Variants in VSNL1 observed in about 807,000 individuals in gnomAD.
VSNL1 encodes visinin like 1, also known as visinin-like protein 1.
A neutral mutation model predicts 20.4 loss-of-function variants in VSNL1; 6 were observed. The ratio of observed to expected loss-of-function variants is 0.29; its 90% CI spans 0.16 to 0.58. VSNL1 has a LOEUF of 0.58. Among genes scored for constraint, VSNL1 ranks in the 20% least tolerant of loss-of-function variants. The probability of loss-of-function intolerance (pLI) is 0.90; values close to 1 mark genes in which losing one functional copy is unlikely to be tolerated. For synonymous variants in VSNL1, 93 were observed against 86.4 expected (o/e 1.08, Z -0.42); for missense variants, 100 against 234.5 (o/e 0.43, Z 3.75).
chr2:17,555,763 T>G (rs148233336), intron 1 of VSNL1, among the ~76,000 whole-genome samples: 2 of 152,232 alleles, frequency 1.3e-5, no homozygotes, highest in African/African-American at 2.4e-5. Flanking sequence ...ATGACAAATT[T>G]CATTTGCTTA....
chr2:17,555,746 G>A (rs1663661576), intron 1 of VSNL1, among the ~76,000 whole-genome samples: 1 of 152,072 alleles, frequency 6.6e-6, no homozygotes, highest in Non-Finnish European at 1.5e-5. Context: ...TTCCCAGGAG[G>A]TAGTGAATGA....
At chr2:17,640,067 C>G (rs182949938) in intron 2 of VSNL1, among the ~76,000 whole-genome samples, 1 of 151,928 alleles carries the variant, frequency 6.6e-6, no homozygotes, top group Admixed American at 6.6e-5. Flanking sequence ...CTGGTAAACA[C>G]GGTGAAACCC....
At chr2:17,596,370 C>G (rs1002990010) in intron 2 of VSNL1, among the ~76,000 whole-genome samples, 13 of 152,202 alleles carry the variant, frequency 8.5e-5, no homozygotes, top group Non-Finnish European at 1.3e-4. Flanking sequence ...AGGGAATTTC[C>G]TATTTTCAAC....
At chr2:17,637,026 T>C (rs565459936) in intron 2 of VSNL1, among the ~76,000 whole-genome samples, 1 of 152,312 alleles carries the variant, frequency 6.6e-6, no homozygotes, top group East Asian at 1.9e-4. Flanking sequence ...GTGCCATCCA[T>C]AGGCTGTCGC....
chr2:17,551,571 A>G (rs887869469), intron 1 of VSNL1, among the ~76,000 whole-genome samples: 4 of 152,204 alleles, frequency 2.6e-5, no homozygotes, highest in African/African-American at 9.6e-5. Flanking sequence ...CATATGATTC[A>G]TTCTTAAAAC....
chr2:17,554,545 T>C (rs1221677402), intron 1 of VSNL1, among the ~76,000 whole-genome samples: 1 of 150,120 alleles, frequency 6.7e-6, no homozygotes, highest in Non-Finnish European at 1.5e-5. Context: ...TTCAGAACAC[T>C]TTTTTTTCTA....
At position 17,575,920 on chromosome 2, in the gene VSNL1, A is replaced by G. The variant is rs528177667; in HGVS notation, c.-5-16150A>G. On this transcript the variant is annotated intron_variant, in intron 1 of 3. Coordinates refer to ENST00000295156, the MANE Select transcript of VSNL1 (RefSeq NM_003385.5). ...TATAAGAGATCTCTATTTAACATTCACTTGTTACCATAGAAACTTGTAAAT... is the reference window on the plus strand; with the variant it reads ...TATAAGAGATCTCTATTTAACATTCGCTTGTTACCATAGAAACTTGTAAAT... Among the ~76,000 whole-genome samples, 4 of 152,274 alleles carry G rather than the reference A, an allele frequency of 2.6e-5. No individual in the cohort carries two copies. In the East Asian group the frequency reaches 5.8e-4, roughly 22 times the overall value.
intron 1 of VSNL1, among the ~76,000 whole-genome samples, chr2:17,570,812 C>T (rs532816628): frequency 2.4e-4 from 37 of 152,112 alleles, no homozygotes; most frequent in South Asian, 1.9e-3. Context: ...TTTGGGAGGC[C>T]GAGGTGGGTG....
At chr2:17,606,792 A>G (rs1664955501) in intron 2 of VSNL1, among the ~76,000 whole-genome samples, 1 of 152,208 alleles carries the variant, frequency 6.6e-6, no homozygotes, top group Non-Finnish European at 1.5e-5. Flanking sequence ...ATCCAGTTAC[A>G]TGCTTTACTG....
At chr2:17,568,307 G>GCCCA (rs1355898682) in intron 1 of VSNL1, among the ~76,000 whole-genome samples, 3 of 151,976 alleles carry the variant, frequency 2.0e-5, no homozygotes, top group Non-Finnish European at 4.4e-5. Context: ...TTACTTTGTT[G>GCCCA]CCCAGGCTGG....
At chr2:17,631,786 A>G (rs970241523) in intron 2 of VSNL1, among the ~76,000 whole-genome samples, 5 of 152,278 alleles carry the variant, frequency 3.3e-5, no homozygotes, top group Non-Finnish European at 5.9e-5. Flanking sequence ...GAATAAATCT[A>G]GAGTTATAAA....
At chr2:17,652,086 G>C (rs1666134815) in intron 3 of VSNL1, among the ~76,000 whole-genome samples, 1 of 152,200 alleles carries the variant, frequency 6.6e-6, no homozygotes, top group Non-Finnish European at 1.5e-5. Context: ...CATTTAGTGA[G>C]GTTTCTCTAC....
chr2:17,626,603 A>G lies in VSNL1; in HGVS notation c.163-22807A>G, dbSNP rs552467222. ...GTGTCTGCAGAGGAGCAAAGAGAAC[A>G]TTGTCTCTAAGCTGGCCTGGGAGAT... On this transcript the variant is annotated intron_variant, in intron 2 of 3. Transcript: ENST00000295156. Among the ~76,000 whole-genome samples, 5 of 149,104 alleles carry G rather than the reference A, an allele frequency of 3.4e-5. No homozygotes were observed. The East Asian group carries it at 9.9e-4, about 30-fold the overall frequency.
chr2:17,585,132 T>G (rs962859930), intron 1 of VSNL1, among the ~76,000 whole-genome samples: 9 of 152,112 alleles, frequency 5.9e-5, no homozygotes, highest in African/African-American at 2.2e-4. Flanking sequence ...GCTTATGGGG[T>G]GAAACCTCAA....
chr2:17,575,228 C>T (rs1417480745), intron 1 of VSNL1, among the ~76,000 whole-genome samples: 2 of 152,204 alleles, frequency 1.3e-5, no homozygotes, highest in Non-Finnish European at 2.9e-5. Context: ...GGTCACCTCC[C>T]AACCCGGGAG....
At chr2:17,550,190 ATCT>A (rs1324013255) in intron 1 of VSNL1, among the ~76,000 whole-genome samples, 1 of 152,204 alleles carries the variant, frequency 6.6e-6, no homozygotes, top group East Asian at 1.9e-4. Context: ...CAAATTATTG[ATCT>A]TCTGCAAATT....
At chr2:17,556,893 A>C (rs1663691945) in intron 1 of VSNL1, among the ~76,000 whole-genome samples, 1 of 152,178 alleles carries the variant, frequency 6.6e-6, no homozygotes, top group South Asian at 2.1e-4. Flanking sequence ...GGGCAAAAGG[A>C]GCTTACATCT....
chr2:17,546,027 AG>A (rs1663398452), intron 1 of VSNL1: 1 of 152,052 alleles, frequency 6.6e-6, no homozygotes, highest in East Asian at 1.9e-4. Context: ...TTTCCAGGTG[AG>A]CATTCTATTT....
chr2:17,580,225 G>A lies in VSNL1; in HGVS notation c.-5-11845G>A, dbSNP rs111706655. Among the ~76,000 whole-genome samples the A allele has an allele frequency of 7.3e-3, 1,112 of 152,292 alleles. 12 individuals carry two copies. The highest frequency in any genetic ancestry group is 0.012 in the Non-Finnish European group (801 of 68,034). On this transcript the variant is annotated intron_variant, in intron 1 of 3. Coordinates refer to ENST00000295156, the MANE Select transcript of VSNL1 (RefSeq NM_003385.5). ...AGATCACCACTTCTGGGTGCCTATGGTTGGGTCTAGAGTTGTCCAGTGAAG... is the reference window on the plus strand; with the variant it reads ...AGATCACCACTTCTGGGTGCCTATGATTGGGTCTAGAGTTGTCCAGTGAAG...
Sources: gnomAD v4.1 joint callset for allele counts (sites outside exome capture counted in the v4.1 genomes callset) on GRCh38, gnomAD v4.1.1 for gene constraint, MANE v1.5 for transcripts, NCBI Gene and HGNC (gene_info 2026-07-23, HGNC 2026-07-21) for gene names.